CRACD: variants seen among roughly 807,000 people sequenced by gnomAD.
The protein encoded by CRACD is capping protein-inhibiting regulator of actin dynamics.
A neutral mutation model predicts 106.8 loss-of-function variants in CRACD; 56 were observed. The ratio of observed to expected loss-of-function variants is 0.52; its 90% CI spans 0.42 to 0.66. The LOEUF (loss-of-function observed/expected upper bound fraction) is 0.66, where lower values mean the gene tolerates loss of function less well. Among genes scored for constraint, CRACD ranks in the 30% least tolerant of loss-of-function variants. CRACD has a pLI of 0.00. For missense variants in CRACD, 1,730 were observed against 1,623.2 expected (o/e 1.07, Z -1.13); for synonymous variants, 754 against 670.8 (o/e 1.12, Z -1.92).
intron 5 of CRACD, 70 bp from the exon 6 acceptor site, chr4:56,310,596 A>G: frequency 9.0e-7 from 1 of 1,112,706 alleles, no homozygotes. Flanking sequence ...CCAGGCACAG[A>G]CAGTGTCTGG....
intron 4 of CRACD, among the ~76,000 whole-genome samples, chr4:56,301,798 C>T (rs1374764638): frequency 6.6e-6 from 1 of 151,966 alleles, no homozygotes; most frequent in Non-Finnish European, 1.5e-5. Context: ...TGTGAATCTA[C>T]CATCTGCCAC....
intron 2 of CRACD, among the ~76,000 whole-genome samples, chr4:56,241,235 G>C (rs1287636926): frequency 6.6e-6 from 1 of 152,090 alleles, no homozygotes; most frequent in Non-Finnish European, 1.5e-5. Flanking sequence ...GTGGATTTCT[G>C]TTTATTGCAA....
chr4:56,236,123 T>C (rs1388791081), intron 2 of CRACD, among the ~76,000 whole-genome samples: 1 of 152,176 alleles, frequency 6.6e-6, no homozygotes, highest in African/African-American at 2.4e-5. Flanking sequence ...GCAGTTACAG[T>C]AAGGTCATTA....
chr4:56,291,291 T>G (rs1256261685), intron 3 of CRACD, among the ~76,000 whole-genome samples: 2 of 152,182 alleles, frequency 1.3e-5, no homozygotes, highest in Non-Finnish European at 2.9e-5. Flanking sequence ...GCGAAAGGTC[T>G]TTAAATGTCA....
chr4:56,140,743 G>T (rs1735166993), intron 1 of CRACD, among the ~76,000 whole-genome samples: 1 of 152,106 alleles, frequency 6.6e-6, no homozygotes, highest in Admixed American at 6.6e-5. Context: ...TGTCCATCAG[G>T]TCTCTCATCC....
At chr4:56,157,078 T>C (rs1735786546) in intron 1 of CRACD, among the ~76,000 whole-genome samples, 1 of 152,232 alleles carries the variant, frequency 6.6e-6, no homozygotes, top group Admixed American at 6.5e-5. Context: ...AATGAAATTA[T>C]ATAATGAATG....
At chr4:56,120,233 A>G (rs1734438933) in intron 1 of CRACD, among the ~76,000 whole-genome samples, 1 of 152,050 alleles carries the variant, frequency 6.6e-6, no homozygotes, top group African/African-American at 2.4e-5. Flanking sequence ...CCTTTTTTAT[A>G]TATCTCTGTG....
At chr4:56,115,085 GA>G (rs1239573077) in intron 1 of CRACD, among the ~76,000 whole-genome samples, 3 of 152,122 alleles carry the variant, frequency 2.0e-5, no homozygotes, top group African/African-American at 7.2e-5. Context: ...ATGGGTATAG[GA>G]AATGGGGTGA....
chr4:56,204,251 CCTT>C (rs1276252362), intron 2 of CRACD, among the ~76,000 whole-genome samples: 1 of 152,238 alleles, frequency 6.6e-6, no homozygotes, highest in Non-Finnish European at 1.5e-5. Context: ...ATTAGACTCT[CCTT>C]CTGTTTTTCC....
chr4:56,179,920 G>T (rs1256127536), intron 2 of CRACD, among the ~76,000 whole-genome samples: 1 of 152,070 alleles, frequency 6.6e-6, no homozygotes, highest in Non-Finnish European at 1.5e-5. Flanking sequence ...AGGAGGCTGA[G>T]GCAGGAGAAT....
chr4:56,092,440 A>G (rs1048817854), intron 1 of CRACD, among the ~76,000 whole-genome samples: 3 of 152,194 alleles, frequency 2.0e-5, no homozygotes, highest in Admixed American at 2.0e-4. Context: ...GTCCAAATTG[A>G]AGCATTCTGT....
At chr4:56,229,521 A>G (rs948913727) in intron 2 of CRACD, among the ~76,000 whole-genome samples, 2 of 152,180 alleles carry the variant, frequency 1.3e-5, no homozygotes, top group African/African-American at 4.8e-5. Flanking sequence ...AATCTAAGGT[A>G]TTTTGTTTTA....
At chr4:56,093,709 A>G (rs1733502696) in intron 1 of CRACD, among the ~76,000 whole-genome samples, 1 of 152,216 alleles carries the variant, frequency 6.6e-6, no homozygotes, top group Admixed American at 6.5e-5. Flanking sequence ...CTCTTGTTCT[A>G]CAAAAGTGAC....
rs201181209 is a variant in CRACD at position 56,316,202 on chromosome 4, C to A, written c.2700C>A (p.Leu900=). The A allele has an allele frequency of 9.9e-6, 16 of 1,614,162 alleles. No homozygotes were observed. The Admixed American group carries it at 2.3e-4, about 24-fold the overall frequency. The change falls in exon 8 of 11, where the codon CTC becomes CTA. Residue 900 remains leucine (L), a synonymous_variant. Transcript: ENST00000682029. The part of the protein sequence containing the change: ...RGEKEMEGVA[L]KHGPSLPQER... ...AGAAAGAGATGGAGGGTGTGGCCCT[C>A]AAGCATGGTCCATCCCTCCCCCAAG... is the stretch of plus-strand genomic sequence containing the variant.
intron 2 of CRACD, among the ~76,000 whole-genome samples, chr4:56,249,364 A>G: frequency 6.8e-6 from 1 of 146,886 alleles, no homozygotes; most frequent in South Asian, 2.3e-4. Context: ...TTGGCTGCAT[A>G]AATGTCTTCT....
rs182622565 is a variant in CRACD, at chr4:56,188,268, A to G, written c.-189+8838A>G. Among the ~76,000 whole-genome samples, 960 of 152,286 alleles carry G rather than the reference A, an allele frequency of 6.3e-3. 5 individuals carry two copies. Among genetic ancestry groups the G allele is most frequent in the Middle Eastern group, 0.054 (16 of 294 alleles). ...TGGTGAATTTTGATGTTTTACTGTC[A>G]TAGAACTGGAACCCCAATTTCTAAT... On this transcript the variant is annotated intron_variant, in intron 2 of 10. Transcript: ENST00000682029.
intron 2 of CRACD, among the ~76,000 whole-genome samples, chr4:56,268,892 C>G (rs1029749663): frequency 6.6e-6 from 1 of 152,000 alleles, no homozygotes; most frequent in Non-Finnish European, 1.5e-5. Context: ...TTGATAAGAA[C>G]CTAAAGTAGG....
At chr4:56,122,767 G>C (rs915487112) in intron 1 of CRACD, among the ~76,000 whole-genome samples, 1 of 152,168 alleles carries the variant, frequency 6.6e-6, no homozygotes, top group African/African-American at 2.4e-5. Flanking sequence ...ATAGTAGAAA[G>C]TGTGATTTGC....
intron 1 of CRACD, among the ~76,000 whole-genome samples, chr4:56,107,799 T>C (rs1250558184): frequency 1.3e-5 from 2 of 152,148 alleles, no homozygotes; most frequent in Non-Finnish European, 2.9e-5. Flanking sequence ...ATGCTACAGG[T>C]TGTGGAGCTG....
Sources: gnomAD v4.1 joint callset for allele counts (sites outside exome capture counted in the v4.1 genomes callset) on GRCh38, gnomAD v4.1.1 for gene constraint, MANE v1.5 for transcripts, NCBI Gene and HGNC (gene_info 2026-07-23, HGNC 2026-07-21) for gene names.